The following MYH3 variants were observed in gnomAD, a reference collection of about 807,000 sequenced individuals.
The protein encoded by MYH3 is myosin-3.
MYH3 carries 130 observed loss-of-function variants against 238.0 expected under a neutral mutation model. The observed-to-expected ratio is 0.55, with a 90% confidence interval of 0.47 to 0.63. The LOEUF (loss-of-function observed/expected upper bound fraction) is 0.63. Among genes scored for constraint, MYH3 ranks in the 30% least tolerant of loss-of-function variants. The pLI is 0.00. For missense variants in MYH3, 1,853 were observed against 2,374.9 expected, an observed-to-expected ratio of 0.78 and a Z score of 4.57; for synonymous variants, 880 against 924.1, an observed-to-expected ratio of 0.95 and a Z score of 0.86.
chr17:10,640,038 A>C lies in MYH3; in HGVS notation c.2640T>G (p.Thr880=). The change falls in exon 22 of 41, where the codon ACT becomes ACG. Residue 880 remains threonine (T), a synonymous_variant. Coordinates refer to ENST00000583535, the MANE Select transcript of MYH3 (RefSeq NM_002470.4). The part of the protein sequence containing the change: ...KRKELEEKLV[T]LVQEKNDLQL... ...GCAGGTCATTCTTCTCTTGGACCAG[A>C]GTCACCAGTTTTTCCTCTAGCTCCT... The C allele has an allele frequency of 1.9e-6, 3 of 1,613,272 alleles. No individual in the cohort carries two copies. Among genetic ancestry groups the C allele is most frequent in the Non-Finnish European group, 2.5e-6 (3 of 1,179,958 alleles).
rs1175424039 is a variant in MYH3 at position 10,630,303 on chromosome 17, C to A, written c.5442G>T (p.Gln1814His). ...LALKGGKKQI[Q>H]KLETRIRELE... Reference sequence around the variant, plus strand: ...CTGCACACACCCTGGTCTCCAGTTTCTGGATCTGCTTCTTCCCGCCCTTCA... The same window carrying A: ...CTGCACACACCCTGGTCTCCAGTTTATGGATCTGCTTCTTCCCGCCCTTCA... Residue 1814 changes from glutamine (Q) to histidine (H), a missense_variant, in exon 37 of 41, where the codon CAG becomes CAT. Transcript: ENST00000583535. 2 of 1,614,206 alleles carry A rather than the reference C, an allele frequency of 1.2e-6. No homozygotes were observed. The highest frequency in any genetic ancestry group is 2.2e-5 in the East Asian group (1 of 44,864).
intron 36 of MYH3, among the ~76,000 whole-genome samples, chr17:10,631,059 G>A (rs1480892308): frequency 6.6e-6 from 1 of 152,162 alleles, no homozygotes; most frequent in African/African-American, 2.4e-5. Context: ...CCTGCCCCAG[G>A]GAAATTCTTT....
chr17:10,637,222 G>A (rs186474262), intron 28 of MYH3, among the ~76,000 whole-genome samples: 3,000 of 151,936 alleles, frequency 0.02, 94 homozygotes, highest in African/African-American at 0.068. Flanking sequence ...ACCATGCCTC[G>A]CTAATTTTTG....
rs745431890 is a variant in MYH3 at position 10,631,560 on chromosome 17, A to C, written c.5286+51T>G. 10 of 1,613,832 alleles carry C rather than the reference A, an allele frequency of 6.2e-6. No homozygotes were observed. In the African/African-American group the frequency reaches 1.3e-4, roughly 22 times the overall value. On this transcript the variant is annotated intron_variant, in intron 36 of 40. Transcript: ENST00000583535. ...ACCTGTCTAACTATGTGAGGGCTTTAATGCAATGCAATCCCGGCAGCCCGA... is the reference window on the plus strand; with the variant it reads ...ACCTGTCTAACTATGTGAGGGCTTTCATGCAATGCAATCCCGGCAGCCCGA...
upstream of MYH3, among the ~76,000 whole-genome samples, chr17:10,661,999 C>G (rs907682592): frequency 6.6e-6 from 1 of 151,788 alleles, no homozygotes; most frequent in Non-Finnish European, 1.5e-5. Flanking sequence ...TATTATGCAC[C>G]TTCCCCAGCT....
intron 40 of MYH3, among the ~76,000 whole-genome samples, chr17:10,629,021 C>T (rs372368650): frequency 2.6e-5 from 4 of 152,036 alleles, no homozygotes. Flanking sequence ...TTCAGGATGG[C>T]GGTTTGTTTT....
chr17:10,666,332 C>T, the MYH3 span, among the ~76,000 whole-genome samples: 2 of 152,186 alleles, frequency 1.3e-5, no homozygotes, highest in Admixed American at 1.3e-4. Context: ...GTAATCACAA[C>T]ACGTTGGCCA....
At chr17:10,669,951 TCTG>T in the MYH3 span, among the ~76,000 whole-genome samples, 4 of 152,122 alleles carry the variant, frequency 2.6e-5, no homozygotes, top group Admixed American at 1.3e-4. Flanking sequence ...CATCTTCAGC[TCTG>T]CTATCTTCTG....
intron 5 of MYH3, 89 bp downstream of exon 5, chr17:10,651,423 T>G: frequency 6.2e-7 from 1 of 1,602,434 alleles, no homozygotes. Context: ...AAACACCAGA[T>G]GGGGTCCAGC....
At chr17:10,647,514 T>C in intron 8 of MYH3, 88 bp from the exon 9 acceptor site, 1 of 1,407,836 alleles carries the variant, frequency 7.1e-7, no homozygotes, top group South Asian at 1.2e-5. Flanking sequence ...AGTAGGAGCC[T>C]AGTCCCCCTA....
In MYH3 at chr17:10,654,749, T is replaced by G. The variant is rs1000270582; in HGVS notation, c.204+112A>C. 2.0e-6 allele frequency: 2 copies of G among 998,634 alleles called. No homozygotes were observed. Among genetic ancestry groups the G allele is most frequent in the African/African-American group, 3.2e-5 (2 of 63,096 alleles). The allele number at this position is 998,634 out of a possible 1,614,324, so 61.9% of individuals were successfully genotyped here. ...CCCCAGGCTACATTGTATGCGGCAT[T>G]CCAGTGCTGGAACCACATCTGGAAG... On this transcript the variant is annotated intron_variant, in intron 3 of 40. Coordinates refer to ENST00000583535, the MANE Select transcript of MYH3 (RefSeq NM_002470.4). This position sits in a 1 kb window ranked among gnomAD's most constrained non-coding sequence, Gnocchi z 4.5.
At chr17:10,645,020 T>A (rs1466749646) in intron 12 of MYH3, among the ~76,000 whole-genome samples, 1 of 149,754 alleles carries the variant, frequency 6.7e-6, no homozygotes, top group Non-Finnish European at 1.5e-5. Flanking sequence ...CTTCTCCAGA[T>A]GGAAGGATTA....
chr17:10,671,716 A>C, the MYH3 span, among the ~76,000 whole-genome samples: 2 of 150,736 alleles, frequency 1.3e-5, no homozygotes, highest in African/African-American at 4.9e-5. Context: ...AGTAGCTGGG[A>C]CTATAGGCAC....
the MYH3 span, among the ~76,000 whole-genome samples, chr17:10,671,378 G>C: frequency 6.6e-6 from 1 of 152,216 alleles, no homozygotes; most frequent in East Asian, 1.9e-4. Flanking sequence ...TACCCAGAAA[G>C]ACTGCCACAC....
Position 10,654,858 on chromosome 17 carries a change from T to C in MYH3, c.204+3A>G. ...GCAGCCTGTGGAGGGTACAGAGCCT[T>C]ACCCTGTTGTCCTCAGTTTCCACAG... On this transcript the variant is annotated splice_donor_region_variant and intron_variant, in intron 3 of 40. Coordinates refer to ENST00000583535, the MANE Select transcript of MYH3 (RefSeq NM_002470.4). This position sits in a 1 kb window ranked among gnomAD's most constrained non-coding sequence, Gnocchi z 4.5. 6.2e-7 allele frequency: 1 copy of C among 1,613,838 alleles called. No individual in the cohort carries two copies. The highest frequency in any genetic ancestry group is 8.5e-7 in the Non-Finnish European group (1 of 1,179,758).
At position 10,639,756 on chromosome 17, in the gene MYH3, A is replaced by G; in HGVS notation, c.2729T>C (p.Ile910Thr). ...GGCCTCGAGCTGGAATTTGGCTTTG[A>G]TCAGCTGATCGCATCTTTCCTCAGC... ...LDAEERCDQL[I>T]KAKFQLEAKI... The change falls in exon 23 of 41, where the codon ATC (isoleucine) becomes ACC (threonine). Residue 910 changes from isoleucine (I) to threonine (T), a missense_variant. Ile to Thr is a moderately conservative substitution (Grantham distance 89). This residue lies in a region of MYH3 where 678 missense variants were observed against 1,058.9 expected (regional missense o/e 0.64). Coordinates refer to ENST00000583535, the MANE Select transcript of MYH3 (RefSeq NM_002470.4). 4 of 1,613,884 alleles carry G rather than the reference A, an allele frequency of 2.5e-6. No homozygotes were observed. Among genetic ancestry groups the G allele is most frequent in the Non-Finnish European group, 3.4e-6 (4 of 1,179,976 alleles).
chr17:10,633,847 T>G, intron 32 of MYH3, 132 bp from the exon 33 acceptor site: 1 of 1,494,084 alleles, frequency 6.7e-7, no homozygotes, highest in Non-Finnish European at 9.2e-7. Context: ...AGATAAGATA[T>G]TGTACAGAGA....
In MYH3 at chr17:10,649,776, C is replaced by G. The variant is rs962331752; in HGVS notation, c.534-91G>C. 5.2e-6 allele frequency: 6 copies of G among 1,152,606 alleles called. No homozygotes were observed. The African/African-American group carries it at 9.1e-5, about 17-fold the overall frequency. The allele number at this position is 1,152,606 out of a possible 1,614,324, so 71.4% of individuals were successfully genotyped here. On this transcript the variant is annotated intron_variant, in intron 6 of 40. Transcript: ENST00000583535. Reference sequence around the variant, plus strand: ...TGTCATACTGAGGCCTGGGCATGGTCTGAGCCATCTCTGACACACACTCAC... The same window carrying G: ...TGTCATACTGAGGCCTGGGCATGGTGTGAGCCATCTCTGACACACACTCAC...
At chr17:10,673,813 C>T in the MYH3 span, 3 of 152,168 alleles carry the variant, frequency 2.0e-5, no homozygotes, top group African/African-American at 2.4e-5. Flanking sequence ...GATGGAGAAA[C>T]GCTTGGTATA....
Sources: allele counts gnomAD v4.1 joint callset (sites outside exome capture counted in the v4.1 genomes callset), GRCh38; gene constraint gnomAD v4.1.1; regional missense constraint gnomAD v4.1.1; non-coding constraint Gnocchi (gnomAD v3.1); transcripts MANE v1.5; gene names NCBI Gene and HGNC (gene_info 2026-07-23, HGNC 2026-07-21).